NELFB: variants seen among roughly 807,000 people sequenced by gnomAD.
NELFB encodes negative elongation factor complex member B.
Under a neutral mutation model 60.2 loss-of-function variants are expected in NELFB, and 34 were observed. The ratio of observed to expected loss-of-function variants is 0.56; its 90% CI spans 0.43 to 0.75. NELFB has a LOEUF of 0.75. NELFB is among the 30% of genes least tolerant of loss of function. The pLI, the probability that NELFB is intolerant of heterozygous loss-of-function variation, is 0.00. For missense variants in NELFB, 770 were observed against 831.6 expected (o/e 0.93, Z 0.91); for synonymous variants, 459 against 382.1 (o/e 1.20, Z -2.35).
rs780583492 is a variant in NELFB at position 137,266,026 on chromosome 9, C to T, written c.1143+47C>T. 56 of 1,412,150 alleles carry T rather than the reference C, an allele frequency of 4.0e-5. 1 individual carries two copies. The highest frequency in any genetic ancestry group is 2.2e-4 in the Middle Eastern group (1 of 4,534). 87.5% of individuals were successfully genotyped at this position (1,412,150 alleles called of 1,614,324 possible). On this transcript the variant is annotated intron_variant, in intron 7 of 12. Transcript: ENST00000343053. ...AGCTGTCGGGGCCATGCGGCCACTC[C>T]GCTGGCTGCTCTGGGTGGTCAGGGT... is the stretch of plus-strand genomic sequence containing the variant.
rs767909246 is a variant in NELFB, at chr9:137,270,796, G to A, written c.1490-1285G>A. Among the ~76,000 whole-genome samples the A allele has an allele frequency of 3.3e-5, 5 of 151,890 alleles. No homozygotes were observed. The East Asian group carries it at 9.7e-4, about 29-fold the overall frequency. ...ATTAGCCCGGCGCGGTGGCGCACGCGTGTAATCCCAGCTGAGGGAGGCTGA... is the reference window on the plus strand; with the variant it reads ...ATTAGCCCGGCGCGGTGGCGCACGCATGTAATCCCAGCTGAGGGAGGCTGA... On this transcript the variant is annotated intron_variant, in intron 10 of 12. Transcript: ENST00000343053.
chr9:137,257,064 C>G lies in NELFB; in HGVS notation c.741+10C>G. 1 of 1,607,472 alleles carries G rather than the reference C, an allele frequency of 6.2e-7. No homozygotes were observed. The highest frequency in any genetic ancestry group is 8.5e-7 in the Non-Finnish European group (1 of 1,176,290). Reference sequence around the variant, plus strand: ...CAGGCGCCAGGGCGAGGTGAGGGGACAGGCCGTGTGCGGGGTGGGGCACCT... The same window carrying G: ...CAGGCGCCAGGGCGAGGTGAGGGGAGAGGCCGTGTGCGGGGTGGGGCACCT... On this transcript the variant is annotated intron_variant, in intron 4 of 12. Coordinates refer to ENST00000343053, the MANE Select transcript of NELFB (RefSeq NM_015456.5).
Position 137,255,976 on chromosome 9 carries a change from C to A in NELFB, c.316C>A (p.Arg106=). 6.2e-7 allele frequency: 1 copy of A among 1,613,944 alleles called. No individual in the cohort carries two copies. Among genetic ancestry groups the A allele is most frequent in the Non-Finnish European group, 8.5e-7 (1 of 1,180,022 alleles). ...CTTCTTGGACCTGCACGGGACGCCG[C>A]GGCTGGAGTTCCACCAGTCGGTATT... Residue 106 remains arginine, a synonymous_variant, in exon 2 of 13, where the codon CGG becomes AGG. Coordinates refer to ENST00000343053, the MANE Select transcript of NELFB (RefSeq NM_015456.5).
At chr9:137,263,251 A>T (rs1234920061) in intron 5 of NELFB, 29 bp downstream of exon 5, 2 of 1,505,660 alleles carry the variant, frequency 1.3e-6, no homozygotes. Flanking sequence ...CTTCCCCCCT[A>T]CCCTCCTGAA....
Position 137,272,556 on chromosome 9 carries a change from C to T in NELFB, c.1681C>T (p.Pro561Ser). The T allele has an allele frequency of 2.5e-6, 4 of 1,612,252 alleles. No individual in the cohort carries two copies. Among genetic ancestry groups the T allele is most frequent in the East Asian group, 2.2e-5 (1 of 44,838 alleles). ...GCTGCGGCTCCTCATTCACCTGCAC[C>T]CCAGGGTGGCCCCGTCTAAGCTGGA... Residue 561 changes from proline to serine, a missense_variant, in exon 12 of 13, where the codon CCC becomes TCC. Transcript: ENST00000343053.
chr9:137,260,848 C>G (rs1302149489), intron 4 of NELFB, among the ~76,000 whole-genome samples: 1 of 151,200 alleles, frequency 6.6e-6, no homozygotes, highest in Non-Finnish European at 1.5e-5. Flanking sequence ...ATCACGAGGT[C>G]AGGAGTTCGA....
At position 137,269,523 on chromosome 9, in the gene NELFB, C is replaced by A. The variant is rs1830557577; in HGVS notation, c.1489+2177C>A. Among the ~76,000 whole-genome samples, 1 of 152,230 alleles carries A rather than the reference C, an allele frequency of 6.6e-6. No individual in the cohort carries two copies. The highest frequency in any genetic ancestry group is 1.5e-5 in the Non-Finnish European group (1 of 68,036). On this transcript the variant is annotated intron_variant, in intron 10 of 12. Coordinates refer to ENST00000343053, the MANE Select transcript of NELFB (RefSeq NM_015456.5). The surrounding 1 kb of genome is among the most constrained non-coding windows in gnomAD (Gnocchi z 5.3). ...ACATAACATTCTGTCTACCGTGGAC[C>A]ACATATACGACCACGCGGTCACATA... is the stretch of plus-strand genomic sequence containing the variant.
intron 8 of NELFB, 125 bp downstream of exon 8, chr9:137,266,551 G>A: frequency 1.2e-6 from 1 of 822,958 alleles, no homozygotes; most frequent in Non-Finnish European, 1.9e-6. Flanking sequence ...TTCCTTCCTG[G>A]AGCTGCCCAC....
At chr9:137,266,920 G>A (rs770077744) in intron 8 of NELFB, 24 bp from the exon 9 acceptor site, 13 of 1,611,234 alleles carry the variant, frequency 8.1e-6, no homozygotes, top group Admixed American at 3.3e-5. Context: ...GCCCGCGCCC[G>A]CTCATGGCCT....
intron 3 of NELFB, 70 bp downstream of exon 3, chr9:137,256,498 T>C (rs868407214): frequency 7.1e-7 from 1 of 1,407,012 alleles, no homozygotes; most frequent in Middle Eastern, 2.4e-4. Context: ...TTAGTGGAAG[T>C]TCCGGTGGCC....
chr9:137,266,887 G>C (rs1384185093), intron 8 of NELFB, 57 bp from the exon 9 acceptor site: 29 of 1,597,472 alleles, frequency 1.8e-5, no homozygotes, highest in Middle Eastern at 2.2e-4. Context: ...TGTCACGTCA[G>C]GGTGGGGTGG....
At chr9:137,265,775 C>T (rs1830510614) in intron 6 of NELFB, 102 bp from the exon 7 acceptor site, 3 of 769,456 alleles carry the variant, frequency 3.9e-6, no homozygotes, top group East Asian at 5.1e-5. Context: ...TGGGCACCCG[C>T]TGCCAGTCCT....
intron 12 of NELFB, 72 bp from the exon 13 acceptor site, chr9:137,272,710 G>C: frequency 6.6e-7 from 1 of 1,521,496 alleles, no homozygotes; most frequent in Non-Finnish European, 8.9e-7. Context: ...TGTGTGGTCG[G>C]TGGGCACCCA....
In NELFB at chr9:137,255,611, G is replaced by A. The variant is rs1837537656; in HGVS notation, c.246G>A (p.Gln82=). ...CGCTCAAGGCCATCGAGCAGTTCCA[G>A]GTGGGGCGGCCCCCGGGGCGGGGGG... Residue 82 remains glutamine, a splice_region_variant and synonymous_variant, in exon 1 of 13, where the codon CAG becomes CAA. Coordinates refer to ENST00000343053, the MANE Select transcript of NELFB (RefSeq NM_015456.5). 3.2e-6 allele frequency: 5 copies of A among 1,546,972 alleles called. No individual in the cohort carries two copies. Among genetic ancestry groups the A allele is most frequent in the South Asian group, 2.4e-5 (2 of 84,010 alleles).
Position 137,272,155 on chromosome 9 carries a change from G to A in NELFB, c.1564G>A (p.Asp522Asn), listed in dbSNP as rs748610658. The change falls in exon 11 of 13, where the codon GAC becomes AAC. Residue 522 changes from aspartate (D) to asparagine (N), a missense_variant. Asp to Asn is a conservative substitution (Grantham distance 23). Coordinates refer to ENST00000343053, the MANE Select transcript of NELFB (RefSeq NM_015456.5). ...CACGGGCAACCTTGCGCTGCTGGCC[G>A]ACGAATTTGCCCTTGAGGACTTCTG... 1.1e-5 allele frequency: 17 copies of A among 1,614,076 alleles called. No individual in the cohort carries two copies. The Admixed American group carries it at 1.5e-4, about 14-fold the overall frequency.
chr9:137,256,709 T>G lies in NELFB; in HGVS notation c.511-115T>G, dbSNP rs1049543062. On this transcript the variant is annotated intron_variant, in intron 3 of 12. Coordinates refer to ENST00000343053, the MANE Select transcript of NELFB (RefSeq NM_015456.5). The stretch of plus-strand genomic sequence containing the variant: ...GCCGGGGAACCAGTCATAGGTGCCC[T>G]GTGGGGTGGAGCTTAGCTCGAGGTG... 8 of 934,972 alleles carry G rather than the reference T, an allele frequency of 8.6e-6. No homozygotes were observed. The Admixed American group carries it at 1.9e-4, about 22-fold the overall frequency. 57.9% of individuals were successfully genotyped at this position (934,972 alleles called of 1,614,324 possible).
At chr9:137,256,692 A>G (rs1174389285) in intron 3 of NELFB, 132 bp from the exon 4 acceptor site, 2 of 823,856 alleles carry the variant, frequency 2.4e-6, no homozygotes, top group Admixed American at 2.7e-5. Flanking sequence ...GGGCCGGGGA[A>G]CCAGTCATAG....
At position 137,269,291 on chromosome 9, in the gene NELFB, C is replaced by A. The variant is rs1014272264; in HGVS notation, c.1489+1945C>A. On this transcript the variant is annotated intron_variant, in intron 10 of 12. Coordinates refer to ENST00000343053, the MANE Select transcript of NELFB (RefSeq NM_015456.5). This position sits in a 1 kb window ranked among gnomAD's most constrained non-coding sequence, Gnocchi z 5.3. ...GACCACAGACAGTGGCATTAGACAG[C>A]GCAGGCAGACATGACCTCCTGGGCT... Among the ~76,000 whole-genome samples the A allele has an allele frequency of 1.3e-5, 2 of 152,088 alleles. No individual in the cohort carries two copies. The highest frequency in any genetic ancestry group is 3.9e-4 in the East Asian group (2 of 5,184).
chr9:137,259,104 T>C (rs541377213), intron 4 of NELFB, among the ~76,000 whole-genome samples: 4 of 152,290 alleles, frequency 2.6e-5, no homozygotes, highest in South Asian at 4.1e-4. Flanking sequence ...AGCAGGAGGA[T>C]TGCTTAGGCC....
Sources: gnomAD v4.1 joint callset for allele counts (sites outside exome capture counted in the v4.1 genomes callset) on GRCh38, gnomAD v4.1.1 for gene constraint, Gnocchi (gnomAD v3.1) non-coding constraint, MANE v1.5 for transcripts, NCBI Gene and HGNC (gene_info 2026-07-23, HGNC 2026-07-21) for gene names.